Variants in PCSK7 observed in about 807,000 individuals in gnomAD.
PCSK7 encodes lymphoma proprotein convertase.
In PCSK7, 38 loss-of-function variants were observed where a neutral mutation model predicts 73.3. The observed-to-expected ratio is 0.52, with a 90% CI of 0.40 to 0.68. PCSK7 has a LOEUF of 0.68. Ranked by LOEUF, PCSK7 falls within the 30% of genes least tolerant of loss-of-function variation. PCSK7 has a pLI of 0.00. For missense variants in PCSK7, 692 were observed against 991.5 expected (o/e 0.70, Z 4.06); for synonymous variants, 296 against 383.8 (o/e 0.77, Z 2.68).
chr11:117,223,135 A>C (rs530373881), intron 9 of PCSK7, 73 bp downstream of exon 9: 2 of 885,128 alleles, frequency 2.3e-6, no homozygotes, highest in East Asian at 4.8e-5. Flanking sequence ...GAACAGTGAG[A>C]AGCGCTGTGA....
chr11:117,228,636 C>T (rs1413994743), intron 3 of PCSK7, among the ~76,000 whole-genome samples: 3 of 135,808 alleles, frequency 2.2e-5, no homozygotes, highest in Non-Finnish European at 3.1e-5. Context: ...TTTTTTGAGA[C>T]GGAGTCTTGC....
At position 117,204,433 on chromosome 11, in the gene PCSK7, A is replaced by G. The variant is rs748219106; in HGVS notation, c.*1564T>C. The G allele has an allele frequency of 1.9e-6, 3 of 1,606,108 alleles. No individual in the cohort carries two copies. In the East Asian group the frequency reaches 6.7e-5, roughly 36 times the overall value. Reference sequence around the variant, plus strand: ...GCAGCCATCCCGCTTAGCCTGCCTCACCCACACCCGTGTGGTACCTTCAGC... The same window carrying G: ...GCAGCCATCCCGCTTAGCCTGCCTCGCCCACACCCGTGTGGTACCTTCAGC... On this transcript the variant is annotated 3_prime_UTR_variant, in exon 17 of 17. Transcript: ENST00000320934.
chr11:117,223,139 G>A (rs1004349497), intron 9 of PCSK7, 69 bp downstream of exon 9: 11 of 909,580 alleles, frequency 1.2e-5, no homozygotes, highest in South Asian at 6.5e-5. Context: ...AGTGAGAAGC[G>A]CTGTGATGTC....
At chr11:117,211,120 G>A (rs1010686355) in intron 12 of PCSK7, 1 of 152,132 alleles carries the variant, frequency 6.6e-6, no homozygotes, top group South Asian at 2.1e-4. Flanking sequence ...AGGGGTGTTT[G>A]TTTGTTTGAG....
chr11:117,223,640 G>C (rs1181459427), intron 8 of PCSK7: 4 of 377,166 alleles, frequency 1.1e-5, no homozygotes, highest in Non-Finnish European at 1.9e-5. Flanking sequence ...CCCGTGCCAG[G>C]CATCAGGGCC....
intron 6 of PCSK7, 149 bp from the exon 7 acceptor site, chr11:117,224,904 C>A (rs1043645855): frequency 4.4e-6 from 3 of 682,424 alleles, no homozygotes; most frequent in Non-Finnish European, 8.0e-6. Flanking sequence ...GATTAAAAGG[C>A]ACAGGGTTCA....
chr11:117,227,671 G>A (rs1288003410), intron 4 of PCSK7, among the ~76,000 whole-genome samples: 2 of 152,154 alleles, frequency 1.3e-5, no homozygotes, highest in Non-Finnish European at 2.9e-5. Context: ...TCAAACTCCT[G>A]ACCTCCTGAT....
chr11:117,222,875 G>C (rs1026698308), intron 9 of PCSK7: 2 of 230,904 alleles, frequency 8.7e-6, no homozygotes, highest in African/African-American at 4.6e-5. Flanking sequence ...TTGAACTCCT[G>C]ACCTCAAGTG....
At chr11:117,223,575 T>C in intron 8 of PCSK7, 1 of 512,122 alleles carries the variant, frequency 2.0e-6, no homozygotes, top group Non-Finnish European at 3.5e-6. Flanking sequence ...TACCCACTTA[T>C]TCATTCACAT....
chr11:117,218,771 A>C lies in PCSK7; in HGVS notation c.1432-203T>G, dbSNP rs1352534500. ...CAGCCCCCAGCTAAGGAACCAGAGG[A>C]AACAGCTGTGTCCAGGGTGGAGGAG... On this transcript the variant is annotated intron_variant, in intron 11 of 16. Coordinates refer to ENST00000320934, the MANE Select transcript of PCSK7 (RefSeq NM_004716.4). This position sits in a 1 kb window ranked among gnomAD's most constrained non-coding sequence, Gnocchi z 4.0. 3 of 567,282 alleles carry C rather than the reference A, an allele frequency of 5.3e-6. No individual in the cohort carries two copies. Among genetic ancestry groups the C allele is most frequent in the Non-Finnish European group, 9.4e-6 (3 of 318,348 alleles). The allele number at this position is 567,282 out of a possible 1,614,324, so 35.1% of individuals were successfully genotyped here. A position where few individuals can be genotyped will look rare whatever the true frequency, so the allele number is the denominator to read the frequency against.
At chr11:117,226,895 A>G (rs1038787875) in intron 5 of PCSK7, 49 of 407,286 alleles carry the variant, frequency 1.2e-4, no homozygotes, top group Non-Finnish European at 1.6e-4. Flanking sequence ...GACGTATCGG[A>G]TCATAGAGGA....
Position 117,205,864 on chromosome 11 carries a change from G to A in PCSK7, c.*133C>T. ...CAATCCTCCACCATTTGTATCTTAA[G>A]AAGGCCCTCACCCTCTTTGAGTGGA... is the stretch of plus-strand genomic sequence containing the variant. On this transcript the variant is annotated 3_prime_UTR_variant, in exon 17 of 17. Transcript: ENST00000320934. The A allele has an allele frequency of 3.2e-6, 2 of 631,262 alleles. No homozygotes were observed. 39.1% of individuals were successfully genotyped at this position (631,262 alleles called of 1,614,324 possible).
chr11:117,219,846 G>GACTAT, intron 9 of PCSK7, 88 bp from the exon 10 acceptor site: 1 of 985,018 alleles, frequency 1.0e-6, no homozygotes, highest in Non-Finnish European at 1.5e-6. Flanking sequence ...GGCTACCTGG[G>GACTAT]AGGCCCAGGC....
intron 10 of PCSK7, 55 bp from the exon 11 acceptor site, chr11:117,219,219 A>G (rs925983591): frequency 2.3e-6 from 3 of 1,277,428 alleles, no homozygotes; most frequent in East Asian, 2.5e-5. Context: ...AGTCTCAACA[A>G]TCTGACTCTG....
chr11:117,212,239 A>G (rs748779037), intron 12 of PCSK7: 1 of 152,068 alleles, frequency 6.6e-6, no homozygotes, highest in Non-Finnish European at 1.5e-5. Context: ...TCGTGTTTCT[A>G]AACAGTAAGC....
chr11:117,228,080 A>G, intron 4 of PCSK7, 136 bp downstream of exon 4: 1 of 761,118 alleles, frequency 1.3e-6, no homozygotes. Context: ...AGGGAAAAGA[A>G]GAGGATGAAC....
chr11:117,223,004 G>A (rs2032264764), intron 9 of PCSK7: 1 of 564,272 alleles, frequency 1.8e-6, no homozygotes, highest in Admixed American at 3.1e-5. Context: ...AAATTTCTAA[G>A]ATAAAAGCAT....
At position 117,218,467 on chromosome 11, in the gene PCSK7, A is replaced by G; in HGVS notation, c.1533T>C (p.Asn511=). Residue 511 remains asparagine, a splice_region_variant and synonymous_variant, in exon 12 of 17, where the codon AAT becomes AAC. Transcript: ENST00000320934. The surrounding 1 kb of genome is among the most constrained non-coding windows in gnomAD (Gnocchi z 4.0). ...ACCCCCTTTGTGCTGATTACTTACC[A>G]TTCCACAGGACCTCCAGGGAACGGG... ...QSPRSLEVLW[N]VSRMDLEMSG... is the part of the protein sequence containing the mutation. The G allele has an allele frequency of 6.3e-7, 1 of 1,578,534 alleles. No individual in the cohort carries two copies. Among genetic ancestry groups the G allele is most frequent in the Non-Finnish European group, 8.6e-7 (1 of 1,156,726 alleles).
rs2032054924 is a variant in PCSK7 at position 117,218,072 on chromosome 11, C to T, written c.1534+394G>A. ...GAGAATCAAAGGAAGAAATGCCTAACTCCTTTACTTCATCCAGACACCCGA... is the reference window on the plus strand; with the variant it reads ...GAGAATCAAAGGAAGAAATGCCTAATTCCTTTACTTCATCCAGACACCCGA... On this transcript the variant is annotated intron_variant, in intron 12 of 16. Coordinates refer to ENST00000320934, the MANE Select transcript of PCSK7 (RefSeq NM_004716.4). This position sits in a 1 kb window ranked among gnomAD's most constrained non-coding sequence, Gnocchi z 4.0. The T allele has an allele frequency of 1.3e-5, 2 of 154,792 alleles. No homozygotes were observed. Among genetic ancestry groups the T allele is most frequent in the African/African-American group, 4.8e-5 (2 of 41,574 alleles). The allele number at this position is 154,792 out of a possible 1,614,324, so 9.6% of individuals were successfully genotyped here.
Sources: gnomAD v4.1 joint callset for allele counts (sites outside exome capture counted in the v4.1 genomes callset) on GRCh38, gnomAD v4.1.1 for gene constraint, Gnocchi (gnomAD v3.1) non-coding constraint, MANE v1.5 for transcripts, NCBI Gene and HGNC (gene_info 2026-07-23, HGNC 2026-07-21) for gene names.